The following TEX36 variants were observed in gnomAD, a reference collection of about 807,000 sequenced individuals.
TEX36 encodes the protein testis-expressed protein 36.
A neutral mutation model predicts 13.6 loss-of-function variants in TEX36; 12 were observed. That is an observed-to-expected ratio of 0.88 (90% confidence interval 0.56 to 1.43). The LOEUF is 1.43. Among genes scored for constraint, TEX36 ranks in the 40% most tolerant of loss-of-function variants. The pLI, the probability that TEX36 is intolerant of heterozygous loss-of-function variation, is 0.00. For missense variants in TEX36, 224 were observed against 228.3 expected (o/e 0.98, Z 0.12); for synonymous variants, 93 against 83.0 (o/e 1.12, Z -0.65).
intron 1 of TEX36, chr10:125,667,911 T>C: frequency 7.2e-7 from 1 of 1,388,644 alleles, no homozygotes; most frequent in Non-Finnish European, 1.0e-6. Flanking sequence ...GACAGCTCCT[T>C]CTTCTGCTCC....
chr10:125,587,474 T>A (rs1845968415), intron 3 of TEX36, among the ~76,000 whole-genome samples: 1 of 152,196 alleles, frequency 6.6e-6, no homozygotes, highest in Non-Finnish European at 1.5e-5. Context: ...CAATCAATGC[T>A]ATCAGTTTCT....
chr10:125,636,203 ATTTTTTT>A (rs748673256), intron 3 of TEX36, among the ~76,000 whole-genome samples: 6 of 121,698 alleles, frequency 4.9e-5, no homozygotes, highest in African/African-American at 2.1e-4. Context: ...TGTTTGCTGA[ATTTTTTT>A]TTTTTTTTTT....
At chr10:125,627,352 A>G (rs896427327) in intron 3 of TEX36, among the ~76,000 whole-genome samples, 2 of 152,204 alleles carry the variant, frequency 1.3e-5, no homozygotes, top group Non-Finnish European at 2.9e-5. Flanking sequence ...TAATCACCCT[A>G]TAATCTAAAG....
At chr10:125,628,349 A>G (rs1846511734) in intron 3 of TEX36, among the ~76,000 whole-genome samples, 2 of 152,210 alleles carry the variant, frequency 1.3e-5, no homozygotes, top group East Asian at 1.9e-4. Flanking sequence ...ATGTCCCACT[A>G]TATCTTATTT....
chr10:125,643,344 GC>G (rs1846717093), intron 3 of TEX36, among the ~76,000 whole-genome samples: 1 of 152,146 alleles, frequency 6.6e-6, no homozygotes, highest in Non-Finnish European at 1.5e-5. Flanking sequence ...TCTTCAAAAA[GC>G]AACTGTAATC....
intron 3 of TEX36, among the ~76,000 whole-genome samples, chr10:125,632,272 C>T (rs1052760294): frequency 2.4e-4 from 36 of 152,064 alleles, no homozygotes; most frequent in African/African-American, 7.5e-4. Flanking sequence ...GCTCGTGAGA[C>T]GTCCAGGGAG....
At chr10:125,635,857 C>G (rs145079935) in intron 3 of TEX36, among the ~76,000 whole-genome samples, 10 of 151,952 alleles carry the variant, frequency 6.6e-5, no homozygotes, top group East Asian at 3.9e-4. Flanking sequence ...GATTGGGCAG[C>G]CTGAATTTCT....
At chr10:125,679,149 C>CCCCA (rs1847357421) in intron 1 of TEX36, among the ~76,000 whole-genome samples, 1 of 142,848 alleles carries the variant, frequency 7.0e-6, no homozygotes, top group East Asian at 2.2e-4. Context: ...CCCCCCCCGC[C>CCCCA]CCCGCCAAGC....
chr10:125,683,031 C>T lies in TEX36; in HGVS notation c.-42G>A. 6.5e-7 allele frequency: 1 copy of T among 1,549,916 alleles called. No individual in the cohort carries two copies. Among genetic ancestry groups the T allele is most frequent in the African/African-American group, 1.4e-5 (1 of 73,128 alleles). On this transcript the variant is annotated 5_prime_UTR_variant, in exon 1 of 4. The change creates a new upstream start codon in the 5' untranslated region. Coordinates refer to ENST00000368821, the MANE Select transcript of TEX36 (RefSeq NM_001128202.3). The stretch of plus-strand genomic sequence containing the variant: ...AATGTGGCTGAGATTGGCTCCCTCA[C>T]CTCTCCATAAGCTCTACATGTCTGG...
chr10:125,576,969 C>T (rs1845832297), intron 3 of TEX36: 1 of 1,476,754 alleles, frequency 6.8e-7, no homozygotes. Flanking sequence ...CTTATTCTCC[C>T]TGCCCAAGCT....
At chr10:125,659,870 G>A (rs144693412) in intron 3 of TEX36, among the ~76,000 whole-genome samples, 1 of 152,240 alleles carries the variant, frequency 6.6e-6, no homozygotes, top group East Asian at 1.9e-4. Context: ...GGTTCCATGA[G>A]GATTTGCAGG....
In TEX36 at chr10:125,681,733, C is replaced by A. The variant is rs180764330; in HGVS notation, c.51+1206G>T. ...AACAAGGTATACATTTGTGTGTATA[C>A]ACGTATATGTACACATACATACAAA... On this transcript the variant is annotated intron_variant, in intron 1 of 3. Transcript: ENST00000368821. Among the ~76,000 whole-genome samples the A allele has an allele frequency of 2.6e-5, 4 of 152,252 alleles. No individual in the cohort carries two copies. In the East Asian group the frequency reaches 7.7e-4, roughly 29 times the overall value.
At chr10:125,606,680 T>C (rs1380698415) in intron 3 of TEX36, among the ~76,000 whole-genome samples, 1 of 152,200 alleles carries the variant, frequency 6.6e-6, no homozygotes, top group Non-Finnish European at 1.5e-5. Flanking sequence ...TTGGCAGATA[T>C]ATTTCTATAT....
chr10:125,681,437 T>G (rs893831000), intron 1 of TEX36, among the ~76,000 whole-genome samples: 2 of 152,214 alleles, frequency 1.3e-5, no homozygotes, highest in Non-Finnish European at 2.9e-5. Context: ...CAACTTACAT[T>G]TTTCTTTTCA....
At chr10:125,589,207 T>C (rs1845994424) in intron 3 of TEX36, among the ~76,000 whole-genome samples, 1 of 152,370 alleles carries the variant, frequency 6.6e-6, no homozygotes, top group Admixed American at 6.5e-5. Flanking sequence ...ATAGATTTGT[T>C]AAAAACAGCA....
Position 125,626,015 on chromosome 10 carries a change from C to T in TEX36, c.265-4370G>A, listed in dbSNP as rs532745525. Among the ~76,000 whole-genome samples the T allele has an allele frequency of 3.3e-5, 5 of 152,326 alleles. No homozygotes were observed. The East Asian group carries it at 7.7e-4, about 24-fold the overall frequency. On this transcript the variant is annotated intron_variant, in intron 3 of 3. Coordinates refer to the TEX36 transcript ENST00000526819. ...CTCTCGTAGACACCTTCAGGGACCA[C>T]GGCTGCAGAGAACGACCTCACCCAA...
intron 3 of TEX36, among the ~76,000 whole-genome samples, chr10:125,625,543 G>C (rs1846476476): frequency 6.6e-6 from 1 of 152,208 alleles, no homozygotes; most frequent in Non-Finnish European, 1.5e-5. Flanking sequence ...TCAGTGACAT[G>C]TTCTCTTTCA....
At chr10:125,587,593 T>C (rs560426639) in intron 3 of TEX36, among the ~76,000 whole-genome samples, 1 of 152,028 alleles carries the variant, frequency 6.6e-6, no homozygotes, top group South Asian at 2.1e-4. Context: ...TCAAGACCAA[T>C]CTGGCCAATG....
Position 125,648,579 on chromosome 10 carries a change from C to G in TEX36, c.264+12442G>C, listed in dbSNP as rs1453497763. 3.3e-5 allele frequency among the ~76,000 whole-genome samples: 5 copies of G among 152,192 alleles called. No individual in the cohort carries two copies. The East Asian group carries it at 9.6e-4, about 29-fold the overall frequency. Reference sequence around the variant, plus strand: ...AACCAGAGCAGAAAAGCTGAAAATTCTAAAAATCAGAGTGCCTCTTCTCCA... The same window carrying G: ...AACCAGAGCAGAAAAGCTGAAAATTGTAAAAATCAGAGTGCCTCTTCTCCA... On this transcript the variant is annotated intron_variant, in intron 3 of 3. Coordinates refer to the TEX36 transcript ENST00000526819.
Sources: allele counts gnomAD v4.1 joint callset (sites outside exome capture counted in the v4.1 genomes callset), GRCh38; gene constraint gnomAD v4.1.1; transcripts MANE v1.5; gene names NCBI Gene and HGNC (gene_info 2026-07-23, HGNC 2026-07-21).